The following SLC7A2 variants were observed in gnomAD, a reference collection of about 807,000 sequenced individuals.
SLC7A2 encodes solute carrier family 7 member 2, also known as cationic amino acid transporter 2.
SLC7A2 carries 48 observed loss-of-function variants against 58.9 expected under a neutral mutation model. That is an observed-to-expected ratio of 0.82 (90% CI 0.65 to 1.04). The LOEUF (loss-of-function observed/expected upper bound fraction) is 1.04. Ranked by LOEUF, SLC7A2 falls within the 50% of genes least tolerant of loss-of-function variation. The pLI, the probability that SLC7A2 is intolerant of heterozygous loss-of-function variation, is 0.00. For synonymous variants in SLC7A2, 363 were observed against 314.5 expected (o/e 1.15, Z -1.63); for missense variants, 1,029 against 818.8 (o/e 1.26, Z -3.13).
At chr8:17,501,036 CAG>C (rs1800139291) in intron 1 of SLC7A2, among the ~76,000 whole-genome samples, 3 of 148,958 alleles carry the variant, frequency 2.0e-5, no homozygotes, top group African/African-American at 5.0e-5. Flanking sequence ...TGTTTTGAGA[CAG>C]AGTCTCGTTC....
intron 2 of SLC7A2, among the ~76,000 whole-genome samples, chr8:17,515,120 C>T (rs1017237452): frequency 2.6e-5 from 4 of 152,052 alleles, no homozygotes; most frequent in Non-Finnish European, 4.4e-5. Context: ...TCAGATGAAC[C>T]TTTAAACTTA....
chr8:17,497,728 G>C (rs1278660333), intron 1 of SLC7A2, among the ~76,000 whole-genome samples: 1 of 152,242 alleles, frequency 6.6e-6, no homozygotes, highest in Admixed American at 6.5e-5. Context: ...AAATTAGAAA[G>C]CCGGCTTGGA....
At chr8:17,519,407 TA>T (rs1451543303) in intron 2 of SLC7A2, among the ~76,000 whole-genome samples, 1 of 152,196 alleles carries the variant, frequency 6.6e-6, no homozygotes, top group Non-Finnish European at 1.5e-5. Context: ...CTTCTGAAAT[TA>T]TAAATTGATG....
chr8:17,555,331 C>T (rs976832913), intron 8 of SLC7A2, among the ~76,000 whole-genome samples: 1 of 151,590 alleles, frequency 6.6e-6, no homozygotes, highest in African/African-American at 2.4e-5. Flanking sequence ...CTTTTGGGCT[C>T]TAACAAATGT....
At chr8:17,518,673 C>T (rs2705103) in intron 2 of SLC7A2, among the ~76,000 whole-genome samples, 121,264 of 152,088 alleles carry the variant, frequency 0.8, 48,649 homozygotes, top group South Asian at 0.87. Context: ...TTTTTAATTG[C>T]AAAGCTTCAT....
chr8:17,558,398 G>A lies in SLC7A2; in HGVS notation c.1298+1G>A. On this transcript the variant is annotated splice_donor_variant, in intron 9 of 12. Coordinates refer to ENST00000494857, the MANE Select transcript of SLC7A2 (RefSeq NM_001370338.1). LOFTEE classifies it high-confidence loss of function. Reference sequence around the variant, plus strand: ...TGGCAGCCTGTGTTCTCATCCTCAGGTGAGTCACCTGGTGGTTCTACAGGG... The same window carrying A: ...TGGCAGCCTGTGTTCTCATCCTCAGATGAGTCACCTGGTGGTTCTACAGGG... 6.3e-7 allele frequency: 1 copy of A among 1,597,220 alleles called. No individual in the cohort carries two copies. The highest frequency in any genetic ancestry group is 1.1e-5 in the South Asian group (1 of 90,246).
intron 1 of SLC7A2, among the ~76,000 whole-genome samples, chr8:17,499,649 C>T (rs1800078527): frequency 6.6e-6 from 1 of 151,232 alleles, no homozygotes; most frequent in Non-Finnish European, 1.5e-5. Context: ...TTTCTAAATA[C>T]TCACATATTT....
chr8:17,536,189 A>C (rs1276528305), intron 2 of SLC7A2, among the ~76,000 whole-genome samples: 1 of 152,064 alleles, frequency 6.6e-6, no homozygotes, highest in African/African-American at 2.4e-5. Context: ...ACTAGCTCTT[A>C]CATGCTCCTC....
At chr8:17,505,281 A>G (rs1188719952) in intron 2 of SLC7A2, among the ~76,000 whole-genome samples, 4 of 152,174 alleles carry the variant, frequency 2.6e-5, no homozygotes, top group Non-Finnish European at 5.9e-5. Flanking sequence ...AACCATTTCA[A>G]CTTCTCGAAG....
intron 1 of SLC7A2, among the ~76,000 whole-genome samples, chr8:17,500,902 C>T (rs1800132037): frequency 6.6e-6 from 1 of 152,082 alleles, no homozygotes; most frequent in Non-Finnish European, 1.5e-5. Flanking sequence ...AAGGTAATCA[C>T]AGCATGAATC....
intron 2 of SLC7A2, among the ~76,000 whole-genome samples, chr8:17,509,794 G>A (rs550589833): frequency 1.3e-5 from 2 of 152,036 alleles, no homozygotes; most frequent in Non-Finnish European, 1.5e-5. Flanking sequence ...AATCTTCCAC[G>A]TCTCTAAAGA....
intron 10 of SLC7A2, among the ~76,000 whole-genome samples, chr8:17,560,874 G>A (rs1159353687): frequency 6.6e-6 from 1 of 152,186 alleles, no homozygotes; most frequent in Non-Finnish European, 1.5e-5. Flanking sequence ...CGATGGAATT[G>A]TCCAATAATA....
rs2150753264 is a variant in SLC7A2 at position 17,550,304 on chromosome 8, G to C, written c.702G>C (p.Glu234Asp). 1 of 1,613,662 alleles carries C rather than the reference G, an allele frequency of 6.2e-7. No individual in the cohort carries two copies. The highest frequency in any genetic ancestry group is 2.2e-5 in the East Asian group (1 of 44,882). Reference sequence around the variant, plus strand: ...ATGTGTTTGTTCTCTTTCTTAGAGAGCCACCTTCTGAAAACGGAACAAGTA... The same window carrying C: ...ATGTGTTTGTTCTCTTTCTTAGAGACCCACCTTCTGAAAACGGAACAAGTA... ...FLKNISASAR[E>D]PPSENGTSIY... Residue 234 changes from glutamate (E) to aspartate (D), a missense_variant, in exon 6 of 13, where the codon GAG becomes GAC. Glu to Asp is a conservative substitution (Grantham distance 45, BLOSUM62 2). Coordinates refer to ENST00000494857, the MANE Select transcript of SLC7A2 (RefSeq NM_001370338.1).
chr8:17,511,258 G>A (rs1218902935), intron 2 of SLC7A2: 1 of 151,936 alleles, frequency 6.6e-6, no homozygotes, highest in East Asian at 1.9e-4. Context: ...GGAACTTAAA[G>A]TAAAATTAAA....
intron 2 of SLC7A2, among the ~76,000 whole-genome samples, chr8:17,542,296 C>CA (rs1801945899): frequency 2.0e-5 from 3 of 152,152 alleles, no homozygotes; most frequent in Non-Finnish European, 4.4e-5. Flanking sequence ...CTAGAGACCC[C>CA]ATCTATGTAA....
At chr8:17,548,882 T>C (rs1334083507) in intron 5 of SLC7A2, 39 bp downstream of exon 5, 1 of 1,540,680 alleles carries the variant, frequency 6.5e-7, no homozygotes. Context: ...CCTTCTTGTT[T>C]AAGAAAATAT....
At chr8:17,524,667 G>C (rs1801154308) in intron 2 of SLC7A2, among the ~76,000 whole-genome samples, 1 of 152,092 alleles carries the variant, frequency 6.6e-6, no homozygotes, top group Non-Finnish European at 1.5e-5. Context: ...GGAAAGGGTT[G>C]GGGATGGTGA....
At chr8:17,504,996 T>C (rs775540127) in intron 2 of SLC7A2, among the ~76,000 whole-genome samples, 2 of 152,150 alleles carry the variant, frequency 1.3e-5, no homozygotes, top group Non-Finnish European at 2.9e-5. Flanking sequence ...TCTAAGATCA[T>C]AGCAGCTGTT....
At chr8:17,513,356 G>A (rs2150671590) in intron 2 of SLC7A2, among the ~76,000 whole-genome samples, 1 of 151,766 alleles carries the variant, frequency 6.6e-6, no homozygotes, top group Non-Finnish European at 1.5e-5. Flanking sequence ...TCATCCTAAG[G>A]GATACTGAAG....
Sources: allele counts gnomAD v4.1 joint callset (sites outside exome capture counted in the v4.1 genomes callset), GRCh38; gene constraint gnomAD v4.1.1; transcripts MANE v1.5; gene names NCBI Gene and HGNC (gene_info 2026-07-23, HGNC 2026-07-21).